PPP1R9A: variants seen among roughly 807,000 people sequenced by gnomAD.
PPP1R9A encodes protein phosphatase 1 regulatory subunit 9A, also known as neurabin-1.
A neutral mutation model predicts 141.9 loss-of-function variants in PPP1R9A; 59 were observed. The ratio of observed to expected loss-of-function variants is 0.42; its 90% CI spans 0.34 to 0.52. The LOEUF (loss-of-function observed/expected upper bound fraction) is 0.52. Ranked by LOEUF, PPP1R9A falls within the 20% of genes least tolerant of loss-of-function variation. The pLI is 0.10. For synonymous variants in PPP1R9A, 500 were observed against 569.7 expected (o/e 0.88, Z 1.74); for missense variants, 1,444 against 1,611.9 (o/e 0.90, Z 1.78).
At chr7:95,275,124 A>G (rs568227036) in intron 16 of PPP1R9A, among the ~76,000 whole-genome samples, 1 of 152,278 alleles carries the variant, frequency 6.6e-6, no homozygotes, top group South Asian at 2.1e-4. Context: ...GATTGAGAGG[A>G]TGGCAAGGCT....
chr7:95,017,232 C>T (rs1356548554), intron 2 of PPP1R9A, among the ~76,000 whole-genome samples: 1 of 151,940 alleles, frequency 6.6e-6, no homozygotes, highest in Non-Finnish European at 1.5e-5. Flanking sequence ...GTTTGTGGTA[C>T]TCTCTGGGAA....
intron 2 of PPP1R9A, among the ~76,000 whole-genome samples, chr7:94,941,596 A>G (rs1795336198): frequency 6.6e-6 from 1 of 152,126 alleles, no homozygotes; most frequent in East Asian, 1.9e-4. Context: ...TCAACTCTCA[A>G]TTAATCAGCA....
At chr7:95,215,927 G>A (rs1793298926) in intron 7 of PPP1R9A, among the ~76,000 whole-genome samples, 2 of 152,280 alleles carry the variant, frequency 1.3e-5, no homozygotes, top group South Asian at 4.1e-4. Context: ...TAGGTTGCCT[G>A]TTCACTCTGA....
At chr7:95,206,207 A>G (rs960304345) in intron 7 of PPP1R9A, among the ~76,000 whole-genome samples, 3 of 152,176 alleles carry the variant, frequency 2.0e-5, no homozygotes, top group Admixed American at 1.3e-4. Context: ...ACAGAAACAC[A>G]TTTCCATTTG....
chr7:95,191,081 T>A (rs553655452), intron 5 of PPP1R9A, among the ~76,000 whole-genome samples: 97 of 152,374 alleles, frequency 6.4e-4, no homozygotes, highest in Middle Eastern at 3.4e-3. Flanking sequence ...TCTTTATGAC[T>A]TCAATTTAGT....
intron 8 of PPP1R9A, among the ~76,000 whole-genome samples, chr7:95,236,716 A>G (rs1027167785): frequency 2.0e-5 from 3 of 151,460 alleles, no homozygotes; most frequent in African/African-American, 7.3e-5. Context: ...ACAAAGACCA[A>G]TATTTCTTTT....
At chr7:95,087,173 G>A (rs189557927) in intron 2 of PPP1R9A, among the ~76,000 whole-genome samples, 2 of 152,106 alleles carry the variant, frequency 1.3e-5, no homozygotes, top group Non-Finnish European at 2.9e-5. Flanking sequence ...GTTGCGCTAC[G>A]ATTGTGAATC....
chr7:94,938,028 A>T (rs775756269), intron 2 of PPP1R9A, among the ~76,000 whole-genome samples: 1 of 152,124 alleles, frequency 6.6e-6, no homozygotes, highest in Non-Finnish European at 1.5e-5. Context: ...TTTCTATATC[A>T]GTGGGGTACT....
chr7:95,000,336 T>C (rs1391147504), intron 2 of PPP1R9A, among the ~76,000 whole-genome samples: 1 of 152,208 alleles, frequency 6.6e-6, no homozygotes, highest in South Asian at 2.1e-4. Context: ...TGTTCTTTCA[T>C]GGCTGTTGAT....
chr7:95,260,221 C>G (rs1158818105), intron 12 of PPP1R9A, among the ~76,000 whole-genome samples: 1 of 152,178 alleles, frequency 6.6e-6, no homozygotes, highest in Non-Finnish European at 1.5e-5. Context: ...AATCTGACTA[C>G]TTGTAAACTA....
intron 2 of PPP1R9A, among the ~76,000 whole-genome samples, chr7:95,003,112 C>G (rs1803164170): frequency 6.6e-6 from 1 of 151,942 alleles, no homozygotes; most frequent in Admixed American, 6.6e-5. Context: ...TTTTAAAAAG[C>G]TTTTTAGCTG....
At chr7:95,140,879 A>AATTT (rs1327833858) in intron 4 of PPP1R9A, among the ~76,000 whole-genome samples, 2 of 152,080 alleles carry the variant, frequency 1.3e-5, no homozygotes, top group Middle Eastern at 3.4e-3. Context: ...ACACCTGGCT[A>AATTT]ATTTATTTAT....
chr7:95,261,415 T>C (rs912655637), intron 12 of PPP1R9A, among the ~76,000 whole-genome samples: 2 of 152,184 alleles, frequency 1.3e-5, no homozygotes, highest in Non-Finnish European at 2.9e-5. Flanking sequence ...ACAGTAATCA[T>C]GTCTAAGACC....
At chr7:95,224,274 T>A (rs1794840135) in intron 7 of PPP1R9A, among the ~76,000 whole-genome samples, 1 of 152,068 alleles carries the variant, frequency 6.6e-6, no homozygotes, top group South Asian at 2.1e-4. Flanking sequence ...TCACCTGTGA[T>A]TATATTTGGG....
intron 2 of PPP1R9A, among the ~76,000 whole-genome samples, chr7:95,032,203 A>G (rs1157104955): frequency 6.6e-6 from 1 of 152,184 alleles, no homozygotes; most frequent in Non-Finnish European, 1.5e-5. Flanking sequence ...CTGTGTAGCT[A>G]GCCAAAGGTA....
intron 2 of PPP1R9A, among the ~76,000 whole-genome samples, chr7:94,912,029 GT>G (rs1241486037): frequency 6.6e-6 from 1 of 152,066 alleles, no homozygotes; most frequent in Non-Finnish European, 1.5e-5. Flanking sequence ...TTTTTGGGGG[GT>G]ACTGCTAGTT....
At chr7:94,992,269 TTTTG>T (rs1163914669) in intron 2 of PPP1R9A, among the ~76,000 whole-genome samples, 1 of 152,228 alleles carries the variant, frequency 6.6e-6, no homozygotes, top group Non-Finnish European at 1.5e-5. Context: ...AATCCAGCCT[TTTTG>T]TTCAGCATAA....
intron 4 of PPP1R9A, among the ~76,000 whole-genome samples, chr7:95,147,611 G>T (rs558282822): frequency 1.7e-4 from 26 of 152,168 alleles, no homozygotes; most frequent in African/African-American, 5.5e-4. Flanking sequence ...TTGCCCATTC[G>T]ATATGATATT....
rs897838647 is a variant in PPP1R9A at position 95,103,362 on chromosome 7, CT to C, written c.1396-7879del. Among the ~76,000 whole-genome samples, 186 of 88,816 alleles carry C rather than the reference CT, an allele frequency of 2.1e-3. 3 individuals carry two copies. The highest frequency in any genetic ancestry group is 0.016 in the Middle Eastern group (2 of 126). The allele number at this position is 88,816 out of a possible 152,430, so 58.3% of individuals were successfully genotyped here. A position where few individuals can be genotyped will look rare whatever the true frequency, so the allele number is the denominator to read the frequency against. On this transcript the variant is annotated intron_variant, in intron 2 of 19. Transcript: ENST00000433360. ...GAGTATGTTTGGTTTTTTTTCACTT[CT>C]TTTTTTTTTTTTTTTTTGAGACAGT...
Sources: allele counts gnomAD v4.1 joint callset (sites outside exome capture counted in the v4.1 genomes callset), GRCh38; gene constraint gnomAD v4.1.1; transcripts MANE v1.5; gene names NCBI Gene and HGNC (gene_info 2026-07-23, HGNC 2026-07-21).